HK2: variants seen among roughly 807,000 people sequenced by gnomAD.
The protein encoded by HK2 is hexokinase-2.
In HK2, 42 loss-of-function variants were observed where a neutral mutation model predicts 92.9. That is an observed-to-expected ratio of 0.45 (90% CI 0.35 to 0.58). The LOEUF is 0.58. Among genes scored for constraint, HK2 ranks in the 20% least tolerant of loss-of-function variants. The pLI is 0.00. For missense variants in HK2, 978 were observed against 1,245.1 expected, an observed-to-expected ratio of 0.79 and a Z score of 3.23; for synonymous variants, 422 against 468.0, an observed-to-expected ratio of 0.90 and a Z score of 1.27.
intron 8 of HK2, 71 bp from the exon 9 acceptor site, chr2:74,878,617 C>A: frequency 8.0e-7 from 1 of 1,248,738 alleles, no homozygotes; most frequent in Non-Finnish European, 1.2e-6. Flanking sequence ...GGCTTCCTTG[C>A]CACCCCCCGA....
chr2:74,884,178 A>G (rs1689467998), intron 12 of HK2, among the ~76,000 whole-genome samples: 1 of 152,220 alleles, frequency 6.6e-6, no homozygotes, highest in South Asian at 2.1e-4. Flanking sequence ...GAATTGTGAG[A>G]TTCCAGGCCA....
rs180710023 is a variant in HK2 at position 74,852,711 on chromosome 2, C to T, written c.64-1582C>T. The stretch of plus-strand genomic sequence containing the variant: ...ATTAAAAAAAAAAAACAACAAAAAA[C>T]GAGTGAGAGTTATCTGATGCTTCTC... On this transcript the variant is annotated intron_variant, in intron 1 of 17. Coordinates refer to ENST00000290573, the MANE Select transcript of HK2 (RefSeq NM_000189.5). Among the ~76,000 whole-genome samples the T allele has an allele frequency of 5.4e-4, 82 of 151,764 alleles. 2 individuals carry two copies. The highest frequency in any genetic ancestry group is 3.4e-3 in the Admixed American group (52 of 15,260).
At chr2:74,885,620 G>T (rs754646795) in intron 13 of HK2, 31 bp downstream of exon 13, 30 of 1,379,984 alleles carry the variant, frequency 2.2e-5, no homozygotes, top group Non-Finnish European at 2.8e-5. Flanking sequence ...GGTCTGATGT[G>T]TCAGCTCCTC....
At chr2:74,873,202 C>A in intron 4 of HK2, 74 bp from the exon 5 acceptor site, 3 of 1,062,522 alleles carry the variant, frequency 2.8e-6, no homozygotes, top group Non-Finnish European at 4.4e-6. Flanking sequence ...CTGCTAATGA[C>A]GGAGGTTTGA....
chr2:74,871,146 C>T (rs934978051), intron 3 of HK2, among the ~76,000 whole-genome samples: 1 of 152,202 alleles, frequency 6.6e-6, no homozygotes, highest in African/African-American at 2.4e-5. Context: ...GGCTGGGCCC[C>T]ACCCCCAGAG....
At chr2:74,873,796 C>A in intron 5 of HK2, 48 bp from the exon 6 acceptor site, 2 of 1,284,148 alleles carry the variant, frequency 1.6e-6, no homozygotes, top group Admixed American at 1.7e-5. Context: ...TTAGGAAAGT[C>A]GCCCTCTGTG....
chr2:74,889,790 G>A (rs945571900), intron 17 of HK2, among the ~76,000 whole-genome samples: 3 of 152,064 alleles, frequency 2.0e-5, no homozygotes. Flanking sequence ...CATCCATATT[G>A]TTTAGTTTTA....
intron 2 of HK2, among the ~76,000 whole-genome samples, chr2:74,859,811 T>A (rs1022105108): frequency 4.6e-5 from 7 of 152,116 alleles, no homozygotes; most frequent in Non-Finnish European, 8.8e-5. Flanking sequence ...CATCCAGCAA[T>A]CTCACTATTG....
intron 16 of HK2, among the ~76,000 whole-genome samples, chr2:74,888,605 C>T (rs1293145178): frequency 1.3e-5 from 2 of 152,320 alleles, no homozygotes; most frequent in East Asian, 3.9e-4. Context: ...CCATTACTCT[C>T]AGGGCAGAGA....
intron 1 of HK2, among the ~76,000 whole-genome samples, chr2:74,848,350 A>T (rs938868380): frequency 9.2e-5 from 14 of 152,266 alleles, no homozygotes; most frequent in African/African-American, 2.2e-4. Flanking sequence ...ATTTTTAAGA[A>T]TTGTAATAAA....
chr2:74,862,476 A>G (rs1033098706), intron 2 of HK2, among the ~76,000 whole-genome samples: 4 of 152,234 alleles, frequency 2.6e-5, no homozygotes, highest in African/African-American at 9.6e-5. Flanking sequence ...GATAAGGCCC[A>G]TGTAGACAAA....
intron 1 of HK2, among the ~76,000 whole-genome samples, chr2:74,840,878 CAAAAAAAAAAA>C (rs56344068): frequency 0.018 from 1,017 of 56,024 alleles, 32 homozygotes; most frequent in African/African-American, 0.085. Flanking sequence ...GACTCTGTCT[CAAAAAAAAAAA>C]AAAAAAAAAA....
intron 12 of HK2, among the ~76,000 whole-genome samples, chr2:74,884,120 T>G (rs149214458): frequency 6.6e-6 from 1 of 152,364 alleles, no homozygotes; most frequent in African/African-American, 2.4e-5. Context: ...ATATATTTAT[T>G]TATATATTTG....
chr2:74,874,513 CG>C, intron 7 of HK2, 64 bp downstream of exon 7: 1 of 1,483,332 alleles, frequency 6.7e-7, no homozygotes, highest in Non-Finnish European at 9.2e-7. Flanking sequence ...TGGGGCTGGT[CG>C]GGGCCAGGGG....
chr2:74,882,872 G>A (rs969632472), intron 12 of HK2, among the ~76,000 whole-genome samples: 1 of 151,960 alleles, frequency 6.6e-6, no homozygotes, highest in African/African-American at 2.4e-5. Flanking sequence ...TGGGGCTCCT[G>A]AGGCCCTTGT....
At chr2:74,886,061 G>C (rs376715590) in intron 13 of HK2, among the ~76,000 whole-genome samples, 4 of 152,134 alleles carry the variant, frequency 2.6e-5, no homozygotes, top group African/African-American at 7.2e-5. Context: ...GGAGTGAAGT[G>C]GGGTGAGGAG....
rs538167630 is a variant in HK2 at position 74,888,075 on chromosome 2, C to A, written c.2375+17C>A. The A allele has an allele frequency of 2.2e-5, 35 of 1,613,482 alleles. No homozygotes were observed. The South Asian group carries it at 3.3e-4, about 15-fold the overall frequency. On this transcript the variant is annotated intron_variant, in intron 16 of 17. Coordinates refer to ENST00000290573, the MANE Select transcript of HK2 (RefSeq NM_000189.5). ...GATTGAGAGGTGAGAGCTTAGGGCTCAGGGTAGCAGGGGGGCCATGTCCTT... is the reference window on the plus strand; with the variant it reads ...GATTGAGAGGTGAGAGCTTAGGGCTAAGGGTAGCAGGGGGGCCATGTCCTT...
chr2:74,889,451 A>G lies in HK2; in HGVS notation c.2582A>G (p.Asp861Gly), dbSNP rs762840508. 3.8e-5 allele frequency: 61 copies of G among 1,612,692 alleles called. No individual in the cohort carries two copies. Among genetic ancestry groups the G allele is most frequent in the Non-Finnish European group, 4.7e-5 (55 of 1,179,290 alleles). Residue 861 changes from aspartate to glycine, a missense_variant, in exon 17 of 18, where the codon GAT becomes GGT. Asp to Gly is a moderately conservative substitution (Grantham distance 94). This residue lies in a region of HK2 where 742 missense variants were observed against 922.5 expected (regional missense o/e 0.80). Transcript: ENST00000290573. The part of the protein sequence containing the change: ...LDALKVTVGV[D>G]GTLYKLHPHF... ...GCTCTCAAAGTGACAGTGGGTGTGGATGGGACCCTCTACAAGCTACATCCT... is the reference window on the plus strand; with the variant it reads ...GCTCTCAAAGTGACAGTGGGTGTGGGTGGGACCCTCTACAAGCTACATCCT...
Position 74,890,855 on chromosome 2 carries a change from T to C in HK2, c.2668T>C (p.Phe890Leu). Residue 890 changes from phenylalanine to leucine, a missense_variant, in exon 18 of 18, where the codon TTC becomes CTC. Physicochemically the swap from Phe to Leu is conservative, Grantham distance 22. Transcript: ENST00000290573. ...CCTGGCTCCGAAATGTGATGTGTCT[T>C]TCCTGCAGTCAGAGGATGGCAGCGG... ...KDLAPKCDVS[F>L]LQSEDGSGKG... 2 of 1,614,218 alleles carry C rather than the reference T, an allele frequency of 1.2e-6. No homozygotes were observed. The highest frequency in any genetic ancestry group is 8.5e-7 in the Non-Finnish European group (1 of 1,180,034).
Sources: gnomAD v4.1 joint callset for allele counts (sites outside exome capture counted in the v4.1 genomes callset) on GRCh38, gnomAD v4.1.1 for gene constraint, gnomAD v4.1.1 regional missense constraint, MANE v1.5 for transcripts, NCBI Gene and HGNC (gene_info 2026-07-23, HGNC 2026-07-21) for gene names.